Variants in ANKRD17 observed in about 807,000 individuals in gnomAD.
ANKRD17 encodes the protein ankyrin repeat domain-containing protein 17.
Under a neutral mutation model 229.7 loss-of-function variants are expected in ANKRD17, and 19 were observed. The observed-to-expected ratio is 0.08, with a 90% CI of 0.06 to 0.12. The LOEUF (loss-of-function observed/expected upper bound fraction) is 0.12. Ranked by LOEUF, ANKRD17 falls within the 10% of genes least tolerant of loss-of-function variation. ANKRD17 has a pLI of 1.00. For synonymous variants in ANKRD17, 1,112 were observed against 1,146.1 expected (o/e 0.97, Z 0.60); for missense variants, 2,176 against 3,176.8 (o/e 0.68, Z 7.57).
At chr4:73,205,301 G>C (rs1402985342) in intron 1 of ANKRD17, among the ~76,000 whole-genome samples, 1 of 152,074 alleles carries the variant, frequency 6.6e-6, no homozygotes, top group African/African-American at 2.4e-5. Context: ...CTGGGTGACA[G>C]AGTAAGACCA....
Position 73,258,419 on chromosome 4 carries a change from T to G in ANKRD17, c.250A>C (p.Ser84Arg). 6.2e-7 allele frequency: 1 copy of G among 1,610,114 alleles called. No individual in the cohort carries two copies. The change falls in exon 1 of 34, where the codon AGC becomes CGC. Residue 84 changes from serine to arginine, a missense_variant. Ser to Arg is a moderately radical substitution (Grantham distance 110). This residue lies in a region of ANKRD17 where 196 missense variants were observed against 190.0 expected (regional missense o/e 1.03). Coordinates refer to ENST00000358602, the MANE Select transcript of ANKRD17 (RefSeq NM_032217.5). ...AKRNRTCRPP[S>R]SSESSSDSDN... The stretch of plus-strand genomic sequence containing the variant: ...CTGTCGCTGCTGCTTTCGCTGCTGC[T>G]GGGGGGTCGGCAAGTCCGGTTACGC...
At chr4:73,189,076 T>C (rs1255826061) in intron 1 of ANKRD17, among the ~76,000 whole-genome samples, 1 of 152,168 alleles carries the variant, frequency 6.6e-6, no homozygotes, top group Non-Finnish European at 1.5e-5. Flanking sequence ...TAGAGGCAAC[T>C]TCTATCAAAA....
At chr4:73,209,026 C>T (rs575787487) in intron 1 of ANKRD17, among the ~76,000 whole-genome samples, 1 of 151,984 alleles carries the variant, frequency 6.6e-6, no homozygotes, top group African/African-American at 2.4e-5. Flanking sequence ...GTCAACATGG[C>T]GAAACTCCCC....
intron 33 of ANKRD17, among the ~76,000 whole-genome samples, chr4:73,076,671 A>T (rs889307318): frequency 2.0e-5 from 3 of 152,214 alleles, no homozygotes; most frequent in Non-Finnish European, 4.4e-5. Flanking sequence ...TTTAATGTAT[A>T]AAATCATATG....
chr4:73,171,965 A>G (rs1478632013), intron 2 of ANKRD17, among the ~76,000 whole-genome samples: 1 of 152,208 alleles, frequency 6.6e-6, no homozygotes, highest in African/African-American at 2.4e-5. Flanking sequence ...ATTGGCCTTA[A>G]AGAGGAGGTA....
intron 1 of ANKRD17, among the ~76,000 whole-genome samples, chr4:73,189,429 G>A (rs940707955): frequency 1.3e-4 from 8 of 60,962 alleles, no homozygotes; most frequent in Admixed American, 7.5e-4. Context: ...TTTTTGAAAC[G>A]GAGTCCCACT....
Position 73,092,157 on chromosome 4 carries a change from G to A in ANKRD17, c.5471C>T (p.Thr1824Ile). The A allele has an allele frequency of 6.2e-7, 1 of 1,614,156 alleles. No homozygotes were observed. Among genetic ancestry groups the A allele is most frequent in the Non-Finnish European group, 8.5e-7 (1 of 1,180,024 alleles). The change falls in exon 29 of 34, where the codon ACC (threonine) becomes ATC (isoleucine). Residue 1824 changes from threonine to isoleucine, a missense_variant. This residue lies in a region of ANKRD17 where 142 missense variants were observed against 200.4 expected (regional missense o/e 0.71). Coordinates refer to ENST00000358602, the MANE Select transcript of ANKRD17 (RefSeq NM_032217.5). The stretch of plus-strand genomic sequence containing the variant: ...TAAGGAAGTGTTAGCAGCAGTGGTG[G>A]TAGGTGCTGATGACCCTATTTTGGA... ...ANSKIGSSAP[T>I]TTAANTSLMG... is the part of the protein sequence containing the mutation.
rs761888822 is a variant in ANKRD17, at chr4:73,113,872, T to C, written c.4321A>G (p.Ile1441Val). The C allele has an allele frequency of 3.1e-6, 5 of 1,613,450 alleles. No homozygotes were observed. The African/African-American group carries it at 4.0e-5, about 13-fold the overall frequency. ...LKKCHLCMESIVQAKDRQAAE... is the reference protein window; with the variant it reads ...LKKCHLCMESVVQAKDRQAAE... ...GCCTGTCTATCTTTGGCTTGTACTA[T>C]TGACTCCATACAAAGATGACACTTC... Residue 1441 changes from isoleucine to valine, a missense_variant, in exon 24 of 34, where the codon ATA (isoleucine) becomes GTA (valine). By Grantham distance (29) the Ile-to-Val change is conservative. This residue lies in a region of ANKRD17 where 178 missense variants were observed against 421.7 expected (regional missense o/e 0.42). Coordinates refer to ENST00000358602, the MANE Select transcript of ANKRD17 (RefSeq NM_032217.5).
chr4:73,138,852 C>T (rs1729243646), intron 15 of ANKRD17, among the ~76,000 whole-genome samples: 1 of 151,948 alleles, frequency 6.6e-6, no homozygotes, highest in Non-Finnish European at 1.5e-5. Flanking sequence ...GTCAATGAAA[C>T]TAGTTATAAT....
chr4:73,136,779 T>G (rs1449390134), intron 15 of ANKRD17, among the ~76,000 whole-genome samples: 2 of 152,102 alleles, frequency 1.3e-5, no homozygotes, highest in Non-Finnish European at 1.5e-5. Flanking sequence ...CATATCTCCT[T>G]TGATTGGATT....
intron 31 of ANKRD17, among the ~76,000 whole-genome samples, chr4:73,077,744 A>G (rs1721138862): frequency 6.9e-6 from 1 of 145,936 alleles, no homozygotes. Context: ...ATAAAACAAA[A>G]GAAAAAAACC....
rs183251273 is a variant in ANKRD17 at position 73,145,798 on chromosome 4, C to T, written c.1869+966G>A. Among the ~76,000 whole-genome samples, 56 of 152,216 alleles carry T rather than the reference C, an allele frequency of 3.7e-4. No individual in the cohort carries two copies. The East Asian group carries it at 9.7e-3, about 26-fold the overall frequency. ...TCCCTTGTTAGACTTAGTGCTAACACTAAGTGGCCCCAGCAATAATCTAAT... is the reference window on the plus strand; with the variant it reads ...TCCCTTGTTAGACTTAGTGCTAACATTAAGTGGCCCCAGCAATAATCTAAT... On this transcript the variant is annotated intron_variant, in intron 10 of 33. Coordinates refer to ENST00000358602, the MANE Select transcript of ANKRD17 (RefSeq NM_032217.5).
chr4:73,200,478 C>T (rs1335957182), intron 1 of ANKRD17, among the ~76,000 whole-genome samples: 1 of 152,054 alleles, frequency 6.6e-6, no homozygotes, highest in Non-Finnish European at 1.5e-5. Context: ...TTCTCAGATA[C>T]TATGATTTAA....
chr4:73,212,635 C>CTTTA (rs1740435799), intron 1 of ANKRD17, among the ~76,000 whole-genome samples: 1 of 151,820 alleles, frequency 6.6e-6, no homozygotes, highest in South Asian at 2.1e-4. Flanking sequence ...GATACAAAAT[C>CTTTA]TTAAAAACGA....
At chr4:73,166,792 CTT>C (rs1733290866) in intron 2 of ANKRD17, among the ~76,000 whole-genome samples, 1 of 150,130 alleles carries the variant, frequency 6.7e-6, no homozygotes, top group African/African-American at 2.5e-5. Flanking sequence ...TATGATTAAA[CTT>C]AAAACAATTT....
intron 25 of ANKRD17, chr4:73,100,683 C>CA: frequency 4.3e-6 from 1 of 232,536 alleles, no homozygotes; most frequent in East Asian, 1.8e-4. Context: ...TCAAACAACT[C>CA]AAAAAAAGAG....
rs1267562267 is a variant in ANKRD17 at position 73,112,829 on chromosome 4, C to T, written c.4401+963G>A. On this transcript the variant is annotated intron_variant, in intron 24 of 33. Coordinates refer to ENST00000358602, the MANE Select transcript of ANKRD17 (RefSeq NM_032217.5). ...TTGAGACGGAGTCTCACTCTGTTGCCCAGGCTGGAGTGCAGTGGCGTGATC... is the reference window on the plus strand; with the variant it reads ...TTGAGACGGAGTCTCACTCTGTTGCTCAGGCTGGAGTGCAGTGGCGTGATC... 7.6e-6 allele frequency: 4 copies of T among 525,276 alleles called. No individual in the cohort carries two copies. The African/African-American group carries it at 8.3e-5, about 11-fold the overall frequency. The allele number at this position is 525,276 out of a possible 1,614,324, so 32.5% of individuals were successfully genotyped here. A position where few individuals can be genotyped will look rare whatever the true frequency, so the allele number is the denominator to read the frequency against.
intron 1 of ANKRD17, among the ~76,000 whole-genome samples, chr4:73,186,566 A>G (rs1055876161): frequency 2.0e-5 from 3 of 152,170 alleles, no homozygotes; most frequent in African/African-American, 7.2e-5. Context: ...TCTAGGAATC[A>G]GTGATATAAC....
chr4:73,165,237 G>C (rs1733075797), intron 2 of ANKRD17, among the ~76,000 whole-genome samples: 1 of 152,140 alleles, frequency 6.6e-6, no homozygotes, highest in Non-Finnish European at 1.5e-5. Flanking sequence ...ACAGGGGTGA[G>C]GCTTTGGTTA....
Sources: gnomAD v4.1 joint callset for allele counts (sites outside exome capture counted in the v4.1 genomes callset) on GRCh38, gnomAD v4.1.1 for gene constraint, gnomAD v4.1.1 regional missense constraint, MANE v1.5 for transcripts, NCBI Gene and HGNC (gene_info 2026-07-23, HGNC 2026-07-21) for gene names.